GGT5: variants seen among roughly 807,000 people sequenced by gnomAD.
GGT5 encodes the protein glutathione hydrolase 5 proenzyme.
Under a neutral mutation model 58.1 loss-of-function variants are expected in GGT5, and 50 were observed. That is an observed-to-expected ratio of 0.86 (90% confidence interval 0.69 to 1.09). The LOEUF (loss-of-function observed/expected upper bound fraction) is 1.09, where lower values mean the gene tolerates loss of function less well. Ranked by LOEUF, GGT5 falls within the 50% of genes least tolerant of loss-of-function variation. GGT5 has a pLI of 0.00. For synonymous variants in GGT5, 370 were observed against 346.1 expected (o/e 1.07, Z -0.77); for missense variants, 800 against 789.4 (o/e 1.01, Z -0.16).
chr22:24,221,539 G>T (rs1164184855), intron 11 of GGT5, among the ~76,000 whole-genome samples: 1 of 152,168 alleles, frequency 6.6e-6, no homozygotes, highest in African/African-American at 2.4e-5. Flanking sequence ...CTGAGATGGA[G>T]TCCCGCTCTG....
At chr22:24,236,486 G>A (rs923330011) in intron 1 of GGT5, among the ~76,000 whole-genome samples, 11 of 152,158 alleles carry the variant, frequency 7.2e-5, no homozygotes, top group South Asian at 2.1e-4. Context: ...TGTTAAGGCC[G>A]GGCGCGGTGG....
At chr22:24,231,993 C>A (rs2047955487) in intron 5 of GGT5, 58 bp downstream of exon 5, 7 of 1,468,592 alleles carry the variant, frequency 4.8e-6, no homozygotes, top group Non-Finnish European at 6.6e-6. Context: ...ACCCCCAGTG[C>A]CCAGAACTTG....
At chr22:24,233,429 T>G in intron 3 of GGT5, 69 bp downstream of exon 3, 4 of 844,010 alleles carry the variant, frequency 4.7e-6, no homozygotes, top group Non-Finnish European at 7.5e-6. Context: ...CGCTGCTCCT[T>G]TGCGGGGGTG....
chr22:24,234,318 C>T (rs1569366824), intron 1 of GGT5, among the ~76,000 whole-genome samples: 2 of 152,214 alleles, frequency 1.3e-5, no homozygotes, highest in African/African-American at 4.8e-5. Flanking sequence ...ACAGGCAGAA[C>T]GAGGCCTCGG....
Position 24,223,754 on chromosome 22 carries a change from CTTTTTTTTTTTTT to C in GGT5, c.1614+1229_1614+1241del, listed in dbSNP as rs898258352. Among the ~76,000 whole-genome samples, 20 of 79,460 alleles carry C rather than the reference CTTTTTTTTTTTTT, an allele frequency of 2.5e-4. 1 individual carries two copies. Among genetic ancestry groups the C allele is most frequent in the Admixed American group, 4.2e-4 (3 of 7,096 alleles). 52.1% of individuals were successfully genotyped at this position (79,460 alleles called of 152,430 possible). ...ATCTGGAACCTCAGCTGCTATCAAT[CTTTTTTTTTTTTT>C]TTTTTTTTTTTTGAGATGGAGTTTT... On this transcript the variant is annotated intron_variant, in intron 11 of 11. Transcript: ENST00000327365.
intron 1 of GGT5, chr22:24,241,912 G>A (rs962066948): frequency 2.0e-5 from 3 of 151,166 alleles, no homozygotes; most frequent in Non-Finnish European, 4.4e-5. Context: ...TGCCTCCTGG[G>A]TTCAAGTGAT....
At chr22:24,223,176 C>T (rs958378815) in intron 11 of GGT5, among the ~76,000 whole-genome samples, 2 of 151,974 alleles carry the variant, frequency 1.3e-5, no homozygotes, top group Non-Finnish European at 2.9e-5. Context: ...CCAAGGTGGA[C>T]AGATCACTTG....
In GGT5 at chr22:24,225,223, G is replaced by A. The variant is rs777095964; in HGVS notation, c.1503+22C>T. The A allele has an allele frequency of 7.5e-6, 12 of 1,610,464 alleles. No homozygotes were observed. In the Admixed American group the frequency reaches 8.3e-5, roughly 11 times the overall value. On this transcript the variant is annotated intron_variant, in intron 10 of 11. Transcript: ENST00000327365. Reference sequence around the variant, plus strand: ...TATGCTGCCCAGAGAGGAGACACTCGAGCCAGGAGCCCCAGACTCACCTGG... The same window carrying A: ...TATGCTGCCCAGAGAGGAGACACTCAAGCCAGGAGCCCCAGACTCACCTGG...
In GGT5 at chr22:24,238,856, T is replaced by TCC. The variant is rs2048215340; in HGVS notation, c.174-4853_174-4852insGG. On this transcript the variant is annotated intron_variant, in intron 1 of 11. Coordinates refer to ENST00000327365, the MANE Select transcript of GGT5 (RefSeq NM_004121.5). ...ATTTATATATATATATTATATATAT[T>TCC]ATATATATAATATATATAATATATA... Among the ~76,000 whole-genome samples, 11 of 10,932 alleles carry TCC rather than the reference T, an allele frequency of 1.0e-3. 5 individuals carry two copies. The highest frequency in any genetic ancestry group is 4.3e-3 in the Admixed American group (2 of 464). The allele number at this position is 10,932 out of a possible 152,430, so 7.2% of individuals were successfully genotyped here. A position where few individuals can be genotyped will look rare whatever the true frequency, so the allele number is the denominator to read the frequency against.
In GGT5 at chr22:24,223,411, T is replaced by TA. The variant is rs1440671245; in HGVS notation, c.1614+1584dup. Among the ~76,000 whole-genome samples the TA allele has an allele frequency of 2.7e-5, 4 of 150,146 alleles. No individual in the cohort carries two copies. The East Asian group carries it at 5.9e-4, about 22-fold the overall frequency. On this transcript the variant is annotated intron_variant, in intron 11 of 11. Coordinates refer to ENST00000327365, the MANE Select transcript of GGT5 (RefSeq NM_004121.5). ...GTGAGACTGTCTAAAAAAATAAAAA[T>TA]AAAAAAAGAGTCAAGGGAGGAGGGC...
chr22:24,225,629 G>A lies in GGT5; in HGVS notation c.1253C>T (p.Pro418Leu). 1 of 1,611,680 alleles carries A rather than the reference G, an allele frequency of 6.2e-7. No individual in the cohort carries two copies. ...NTPFGAMVYS[P>L]RTGIILNNEL... ...GTTGTTGAGGATGATGCCTGTCCGT[G>A]GTGAATACACCATCGCTCCAAAGCT... Residue 418 changes from proline (P) to leucine (L), a missense_variant, in exon 9 of 12, where the codon CCA becomes CTA. Transcript: ENST00000327365.
intron 1 of GGT5, among the ~76,000 whole-genome samples, chr22:24,234,327 G>A (rs1231649853): frequency 3.3e-5 from 5 of 152,146 alleles, no homozygotes; most frequent in Admixed American, 3.3e-4. Context: ...ACGAGGCCTC[G>A]GCCACCTCTC....
Position 24,219,759 on chromosome 22 carries a change from T to TGAGC in GGT5, c.*210_*211insGCTC. On this transcript the variant is annotated 3_prime_UTR_variant, in exon 12 of 12. Transcript: ENST00000327365. ...GCCTGCGGAGGGATAGAGGGGCCGG[T>TGAGC]TCAGGACCACCAGGGGCTCTGGGAA... 1 of 577,982 alleles carries TGAGC rather than the reference T, an allele frequency of 1.7e-6. No homozygotes were observed. The highest frequency in any genetic ancestry group is 1.9e-5 in the African/African-American group (1 of 53,366). The allele number at this position is 577,982 out of a possible 1,614,324, so 35.8% of individuals were successfully genotyped here.
chr22:24,231,347 A>AGGGGGGGGGGGGGGGGG, intron 6 of GGT5, 37 bp downstream of exon 6: 1 of 1,063,366 alleles, frequency 9.4e-7, no homozygotes, highest in Non-Finnish European at 1.2e-6. Context: ...GGTGCGGGGG[A>AGGGGGGGGGGGGGGGGG]GGGGGTGGGC....
At position 24,219,813 on chromosome 22, in the gene GGT5, C is replaced by T; in HGVS notation, c.*157G>A. On this transcript the variant is annotated 3_prime_UTR_variant, in exon 12 of 12. Coordinates refer to ENST00000327365, the MANE Select transcript of GGT5 (RefSeq NM_004121.5). ...GGGTTAGGGATGAGGCTCAGCCTCTCATCTGCCCAGCTGGTCCCCGCCACC... is the reference window on the plus strand; with the variant it reads ...GGGTTAGGGATGAGGCTCAGCCTCTTATCTGCCCAGCTGGTCCCCGCCACC... 1.5e-6 allele frequency: 1 copy of T among 675,278 alleles called. No individual in the cohort carries two copies. The highest frequency in any genetic ancestry group is 2.5e-6 in the Non-Finnish European group (1 of 400,866). The allele number at this position is 675,278 out of a possible 1,614,324, so 41.8% of individuals were successfully genotyped here.
At chr22:24,238,824 TA>T (rs527255861) in intron 1 of GGT5, among the ~76,000 whole-genome samples, 4 of 11,742 alleles carry the variant, frequency 3.4e-4, no homozygotes, top group African/African-American at 6.2e-4. Context: ...TATATATATA[TA>T]TATATATTTA....
rs1453839290 is a variant in GGT5, at chr22:24,238,774, TATATA to T, written c.174-4775_174-4771del. Among the ~76,000 whole-genome samples the T allele has an allele frequency of 3.7e-3, 109 of 29,256 alleles. 3 individuals carry two copies. Among genetic ancestry groups the T allele is most frequent in the Non-Finnish European group, 5.0e-3 (94 of 18,746 alleles). The allele number at this position is 29,256 out of a possible 152,430, so 19.2% of individuals were successfully genotyped here. On this transcript the variant is annotated intron_variant, in intron 1 of 11. Transcript: ENST00000327365. ...TATATATATGGAATATATATATATA[TATATA>T]ATATATATTATATATTTATATATAT... is the stretch of plus-strand genomic sequence containing the variant.
At position 24,220,022 on chromosome 22, in the gene GGT5, C is replaced by G. The variant is rs2047542458; in HGVS notation, c.1709G>C (p.Cys570Ser). The change falls in exon 12 of 12, where the codon TGT becomes TCT. Residue 570 changes from cysteine to serine, a missense_variant. Cys to Ser is a moderately radical substitution (Grantham distance 112, BLOSUM62 -1). Coordinates refer to ENST00000327365, the MANE Select transcript of GGT5 (RefSeq NM_004121.5). ...CCTCAGGTCCGAGACGGCGTACACA[C>G]AGGCCCCCTCCTGGGACACAGCCTG... ...VVQAVSQEGA[C>S]VYAVSDLRKS... 1 of 1,614,018 alleles carries G rather than the reference C, an allele frequency of 6.2e-7. No homozygotes were observed. The highest frequency in any genetic ancestry group is 1.3e-5 in the African/African-American group (1 of 74,944).
chr22:24,243,201 G>C (rs1266712638), intron 1 of GGT5: 1 of 152,180 alleles, frequency 6.6e-6, no homozygotes, highest in Non-Finnish European at 1.5e-5. Context: ...TTGCAACTTC[G>C]AGTTTAAGTG....
Sources: allele counts gnomAD v4.1 joint callset (sites outside exome capture counted in the v4.1 genomes callset), GRCh38; gene constraint gnomAD v4.1.1; transcripts MANE v1.5; gene names NCBI Gene and HGNC (gene_info 2026-07-23, HGNC 2026-07-21).